RNF220: variants seen among roughly 807,000 people sequenced by gnomAD.
RNF220 encodes ring finger protein 220, also known as E3 ubiquitin-protein ligase RNF220.
Under a neutral mutation model 67.1 loss-of-function variants are expected in RNF220, and 7 were observed. That is an observed-to-expected ratio of 0.10 (90% confidence interval 0.06 to 0.20). The LOEUF (loss-of-function observed/expected upper bound fraction) is 0.20. Among genes scored for constraint, RNF220 ranks in the 10% least tolerant of loss-of-function variants. The probability of loss-of-function intolerance (pLI) is 1.00; values close to 1 mark genes in which losing one functional copy is unlikely to be tolerated. For missense variants in RNF220, 565 were observed against 740.3 expected, an observed-to-expected ratio of 0.76 and a Z score of 2.75; for synonymous variants, 270 against 283.2, an observed-to-expected ratio of 0.95 and a Z score of 0.47.
At position 44,600,821 on chromosome 1, in the gene RNF220, C is replaced by CA. The variant is rs398049243; in HGVS notation, c.626-13331dup. On this transcript the variant is annotated intron_variant, in intron 2 of 14. Transcript: ENST00000361799. This position sits in a 1 kb window ranked among gnomAD's most constrained non-coding sequence, Gnocchi z 4.0. The stretch of plus-strand genomic sequence containing the variant: ...GGGCAACAAGAGCAAGACTCTGTCT[C>CA]AAAAAAAAAAAAAGTACAGTGCTTG... Among the ~76,000 whole-genome samples, 15,765 of 139,962 alleles carry CA rather than the reference C, an allele frequency of 0.11. 896 individuals carry two copies. The highest frequency in any genetic ancestry group is 0.15 in the African/African-American group (5,698 of 38,260). 91.8% of individuals were successfully genotyped at this position (139,962 alleles called of 152,430 possible).
chr1:44,433,055 A>G (rs1650575524), intron 2 of RNF220, among the ~76,000 whole-genome samples: 1 of 151,884 alleles, frequency 6.6e-6, no homozygotes, highest in Admixed American at 6.6e-5. Flanking sequence ...TCAGCCTCAC[A>G]AGTAGCTGGG....
chr1:44,483,660 C>G (rs1276392115), intron 2 of RNF220, among the ~76,000 whole-genome samples: 1 of 152,110 alleles, frequency 6.6e-6, no homozygotes, highest in East Asian at 1.9e-4. Context: ...GAAGATATGT[C>G]TGAGGAGCTA....
rs1445179984 is a variant in RNF220, at chr1:44,461,920, C to CTTTTTTTT, written c.625+49201_625+49202insTTTTTTTT. On this transcript the variant is annotated intron_variant, in intron 2 of 14. Transcript: ENST00000361799. Reference sequence around the variant, plus strand: ...ATCATATTTTTTTCTTTTCTTTTTTCTTTGTTTTTTTTTTTTTTTTTTTTT... The same window carrying CTTTTTTTT: ...ATCATATTTTTTTCTTTTCTTTTTTCTTTTTTTTTTTGTTTTTTTTTTTTTTTTTTTTT... Among the ~76,000 whole-genome samples, 66 of 118,180 alleles carry CTTTTTTTT rather than the reference C, an allele frequency of 5.6e-4. 1 individual carries two copies. Among genetic ancestry groups the CTTTTTTTT allele is most frequent in the African/African-American group, 2.2e-3 (64 of 29,272 alleles). The allele number at this position is 118,180 out of a possible 152,430, so 77.5% of individuals were successfully genotyped here.
chr1:44,649,806 G>T lies in RNF220; in HGVS notation c.1554+37G>T, dbSNP rs572835327. 1 of 1,613,398 alleles carries T rather than the reference G, an allele frequency of 6.2e-7. No individual in the cohort carries two copies. The highest frequency in any genetic ancestry group is 2.2e-5 in the East Asian group (1 of 44,876). On this transcript the variant is annotated intron_variant, in intron 13 of 14. Coordinates refer to ENST00000361799, the MANE Select transcript of RNF220 (RefSeq NM_018150.4). The surrounding 1 kb of genome is among the most constrained non-coding windows in gnomAD (Gnocchi z 5.9). ...AGAACCTAGGGGTGCCCTTGGTCAG[G>T]CTTCCACGCCCTCTGGGGGAGTTGG...
At chr1:44,428,868 G>A (rs1650060914) in intron 2 of RNF220, among the ~76,000 whole-genome samples, 2 of 151,968 alleles carry the variant, frequency 1.3e-5, no homozygotes, top group Non-Finnish European at 2.9e-5. Context: ...AGAAGTTGGG[G>A]TCGGGGAAAG....
intron 2 of RNF220, among the ~76,000 whole-genome samples, chr1:44,534,447 T>C (rs1661054176): frequency 6.6e-6 from 1 of 152,166 alleles, no homozygotes. Flanking sequence ...TAGCATTAGG[T>C]ATATCTCCTA....
intron 2 of RNF220, among the ~76,000 whole-genome samples, chr1:44,504,143 C>T (rs1357269433): frequency 1.3e-5 from 2 of 152,042 alleles, no homozygotes; most frequent in Admixed American, 6.6e-5. Context: ...CCACCGTGCC[C>T]GGCCGCCATC....
intron 2 of RNF220, among the ~76,000 whole-genome samples, chr1:44,537,959 A>G (rs1661363674): frequency 6.6e-6 from 1 of 152,180 alleles, no homozygotes; most frequent in South Asian, 2.1e-4. Context: ...TCAAACCTAT[A>G]CTTCCAGAAA....
chr1:44,499,000 A>G (rs1657593746), intron 2 of RNF220, among the ~76,000 whole-genome samples: 1 of 152,060 alleles, frequency 6.6e-6, no homozygotes, highest in African/African-American at 2.4e-5. Flanking sequence ...CTTCCTAATA[A>G]CCAACTTAAA....
At chr1:44,532,228 C>T (rs1290914372) in intron 2 of RNF220, among the ~76,000 whole-genome samples, 2 of 152,210 alleles carry the variant, frequency 1.3e-5, no homozygotes, top group Non-Finnish European at 2.9e-5. Context: ...GCAGGGTGAG[C>T]CTGTCACCAC....
intron 2 of RNF220, among the ~76,000 whole-genome samples, chr1:44,570,529 A>C (rs1250774359): frequency 6.6e-6 from 1 of 152,218 alleles, no homozygotes; most frequent in South Asian, 2.1e-4. Flanking sequence ...CCCCGAGACT[A>C]TGTGGTTAGA....
Position 44,604,246 on chromosome 1 carries a change from G to A in RNF220, c.626-9919G>A, listed in dbSNP as rs938442718. Among the ~76,000 whole-genome samples, 4 of 152,336 alleles carry A rather than the reference G, an allele frequency of 2.6e-5. No individual in the cohort carries two copies. In the South Asian group the frequency reaches 8.3e-4, roughly 32 times the overall value. ...TGTGTGTCCAGACACTTGAGAGGAT[G>A]CATGTGCAGGTCCACATGTGGATAT... On this transcript the variant is annotated intron_variant, in intron 2 of 14. Transcript: ENST00000361799.
At chr1:44,442,075 C>T (rs1174085978) in intron 2 of RNF220, among the ~76,000 whole-genome samples, 1 of 152,204 alleles carries the variant, frequency 6.6e-6, no homozygotes, top group Non-Finnish European at 1.5e-5. Context: ...AAGCTCCACA[C>T]TGGTGCACAC....
At chr1:44,583,595 G>A (rs1665478376) in intron 2 of RNF220, among the ~76,000 whole-genome samples, 1 of 152,116 alleles carries the variant, frequency 6.6e-6, no homozygotes, top group Non-Finnish European at 1.5e-5. Context: ...GGATTATTTC[G>A]AGAATCAAAA....
At chr1:44,420,745 G>C (rs1052860782) in intron 2 of RNF220, among the ~76,000 whole-genome samples, 1 of 152,164 alleles carries the variant, frequency 6.6e-6, no homozygotes, top group African/African-American at 2.4e-5. Flanking sequence ...CTGGGCCTCA[G>C]TATTCTTGCC....
intron 2 of RNF220, among the ~76,000 whole-genome samples, chr1:44,515,991 G>A (rs1002224564): frequency 3.9e-5 from 6 of 152,176 alleles, no homozygotes; most frequent in Non-Finnish European, 7.3e-5. Flanking sequence ...AAGATGAGAC[G>A]CTAAAACCTT....
At position 44,644,715 on chromosome 1, in the gene RNF220, TGCAGCG is replaced by T. The variant is rs1644586860; in HGVS notation, c.1148_1153del (p.Ser383_Gly384del). The T allele has an allele frequency of 6.2e-7, 1 of 1,613,940 alleles. No homozygotes were observed. Among genetic ancestry groups the T allele is most frequent in the Non-Finnish European group, 8.5e-7 (1 of 1,180,006 alleles). On this transcript the variant is annotated inframe_deletion, in exon 9 of 15. Coordinates refer to ENST00000361799, the MANE Select transcript of RNF220 (RefSeq NM_018150.4). ...TCCCACAGGCTCTGGCTTCATCATG[TGCAGCG>T]GCAAAGAGAACCCGGACAGTGATGC...
intron 2 of RNF220, among the ~76,000 whole-genome samples, chr1:44,588,708 CA>C (rs1294892584): frequency 1.3e-5 from 2 of 152,210 alleles, no homozygotes; most frequent in East Asian, 1.9e-4. Flanking sequence ...ACTGCTGGGC[CA>C]GGGGGCAGAG....
chr1:44,498,959 C>T (rs117311328), intron 2 of RNF220, among the ~76,000 whole-genome samples: 21 of 152,126 alleles, frequency 1.4e-4, no homozygotes, highest in African/African-American at 4.8e-4. Flanking sequence ...ATATTCATCC[C>T]GAAATCTTGT....
Sources: allele counts gnomAD v4.1 joint callset (sites outside exome capture counted in the v4.1 genomes callset), GRCh38; gene constraint gnomAD v4.1.1; non-coding constraint Gnocchi (gnomAD v3.1); transcripts MANE v1.5; gene names NCBI Gene and HGNC (gene_info 2026-07-23, HGNC 2026-07-21).